CCDC18: variants seen among roughly 807,000 people sequenced by gnomAD.
The protein encoded by CCDC18 is coiled-coil domain containing 18, also known as coiled-coil domain-containing protein 18.
CCDC18 carries 157 observed loss-of-function variants against 196.0 expected under a neutral mutation model. The observed-to-expected ratio is 0.80, with a 90% CI of 0.70 to 0.91. CCDC18 has a LOEUF of 0.91. CCDC18 is among the 40% of genes least tolerant of loss of function. The pLI, the probability that CCDC18 is intolerant of heterozygous loss-of-function variation, is 0.00. For synonymous variants in CCDC18, 482 were observed against 529.2 expected (o/e 0.91, Z 1.22); for missense variants, 1,465 against 1,611.6 (o/e 0.91, Z 1.56).
rs1240184130 is a variant in CCDC18, at chr1:93,216,626, G to C, written c.1720-10G>C. 1.5e-6 allele frequency: 2 copies of C among 1,314,738 alleles called. No individual in the cohort carries two copies. The highest frequency in any genetic ancestry group is 1.5e-5 in the African/African-American group (1 of 66,158). The allele number at this position is 1,314,738 out of a possible 1,614,324, so 81.4% of individuals were successfully genotyped here. A position where few individuals can be genotyped will look rare whatever the true frequency, so the allele number is the denominator to read the frequency against. ...AAAATAATTTTACATTTATTTCAAT[G>C]TGTTTTCAGATGACAAAGAAATGTT... is the stretch of plus-strand genomic sequence containing the variant. On this transcript the variant is annotated splice_polypyrimidine_tract_variant and intron_variant, in intron 12 of 28. Transcript: ENST00000690025.
intron 14 of CCDC18, among the ~76,000 whole-genome samples, chr1:93,219,353 A>G (rs1402902464): frequency 1.3e-5 from 2 of 152,130 alleles, no homozygotes; most frequent in Non-Finnish European, 2.9e-5. Context: ...TAAGTCAAGA[A>G]CCTTCACCTT....
intron 17 of CCDC18, among the ~76,000 whole-genome samples, chr1:93,229,174 C>G (rs1364965329): frequency 6.6e-6 from 1 of 152,138 alleles, no homozygotes; most frequent in Non-Finnish European, 1.5e-5. Context: ...TATATTTGAC[C>G]AGACTAGGGA....
In CCDC18 at chr1:93,272,440, C is replaced by T. The variant is rs374562684; in HGVS notation, c.4353+1626C>T. Among the ~76,000 whole-genome samples, 41 of 152,032 alleles carry T rather than the reference C, an allele frequency of 2.7e-4. 3 individuals carry two copies. The East Asian group carries it at 3.9e-3, about 14-fold the overall frequency. On this transcript the variant is annotated intron_variant, in intron 28 of 28. Transcript: ENST00000690025. ...CACTTTTAGCATATTACTTTTAGCA[C>T]CCAAGAAGTTAAAGATTCAGTAAAG...
intron 28 of CCDC18, among the ~76,000 whole-genome samples, chr1:93,275,546 A>G (rs1057387695): frequency 6.6e-6 from 1 of 152,266 alleles, no homozygotes; most frequent in Admixed American, 6.5e-5. Context: ...ACTCTTTTAA[A>G]CCAAATAAAT....
At chr1:93,210,538 T>A (rs2101981130) in intron 9 of CCDC18, among the ~76,000 whole-genome samples, 1 of 152,316 alleles carries the variant, frequency 6.6e-6, no homozygotes, top group South Asian at 2.1e-4. Flanking sequence ...ATGAAAATAC[T>A]GTTTGCCACT....
At chr1:93,218,271 T>C (rs967728193) in intron 14 of CCDC18, among the ~76,000 whole-genome samples, 2 of 152,170 alleles carry the variant, frequency 1.3e-5, no homozygotes, top group African/African-American at 2.4e-5. Context: ...TGCTTATCCA[T>C]GGGAGAGACA....
chr1:93,181,368 C>T (rs1164494907), intron 1 of CCDC18, among the ~76,000 whole-genome samples: 1 of 152,004 alleles, frequency 6.6e-6, no homozygotes, highest in Admixed American at 6.6e-5. Flanking sequence ...ACTTGTCCTT[C>T]GTTTGATGGG....
At chr1:93,241,723 C>CAA (rs35810581) in intron 21 of CCDC18, among the ~76,000 whole-genome samples, 8,345 of 58,976 alleles carry the variant, frequency 0.14, 1,107 homozygotes, top group East Asian at 0.3. Flanking sequence ...GACTCCATCT[C>CAA]AAAAAAAAAA....
Position 93,267,526 on chromosome 1 carries a change from T to C in CCDC18, c.3885+2625T>C, listed in dbSNP as rs1664692946. Among the ~76,000 whole-genome samples, 3 of 152,212 alleles carry C rather than the reference T, an allele frequency of 2.0e-5. No individual in the cohort carries two copies. The South Asian group carries it at 6.2e-4, about 32-fold the overall frequency. ...TGTCCCTGTTTGCAGATGACATGAT[T>C]GTATATTTAGAAAACCCTATCATCT... On this transcript the variant is annotated intron_variant, in intron 27 of 28. Transcript: ENST00000690025.
chr1:93,257,224 T>C (rs1248687926), intron 25 of CCDC18, among the ~76,000 whole-genome samples: 2 of 85,310 alleles, frequency 2.3e-5, no homozygotes, highest in African/African-American at 4.8e-5. Flanking sequence ...AGAGCAAGAC[T>C]CCATCTCAAA....
intron 1 of CCDC18, 103 bp from the exon 2 acceptor site, chr1:93,183,257 T>A (rs1395706837): frequency 3.7e-6 from 3 of 811,120 alleles, no homozygotes; most frequent in Non-Finnish European, 5.5e-6. Flanking sequence ...TTCACAACAT[T>A]TAAAATAGAA....
At chr1:93,222,324 A>G (rs1657561227) in intron 16 of CCDC18, among the ~76,000 whole-genome samples, 1 of 152,124 alleles carries the variant, frequency 6.6e-6, no homozygotes, top group African/African-American at 2.4e-5. Context: ...TCTAGTTTGC[A>G]GGTTATCTAG....
intron 17 of CCDC18, among the ~76,000 whole-genome samples, chr1:93,231,766 G>GT (rs1659274799): frequency 1.3e-5 from 2 of 152,164 alleles, no homozygotes; most frequent in Non-Finnish European, 2.9e-5. Flanking sequence ...TCCTTTATGT[G>GT]TTTTTTTGTA....
intron 13 of CCDC18, among the ~76,000 whole-genome samples, chr1:93,217,262 G>A (rs1656658682): frequency 6.6e-6 from 1 of 151,594 alleles, no homozygotes. Context: ...TAATAGGATT[G>A]AAGATAATGG....
At chr1:93,275,439 G>A (rs1665570997) in intron 28 of CCDC18, among the ~76,000 whole-genome samples, 1 of 152,160 alleles carries the variant, frequency 6.6e-6, no homozygotes, top group South Asian at 2.1e-4. Flanking sequence ...GGGATGTAGA[G>A]CCATGATCTG....
chr1:93,261,620 C>G (rs1353177274), intron 26 of CCDC18, among the ~76,000 whole-genome samples: 1 of 151,982 alleles, frequency 6.6e-6, no homozygotes, highest in Non-Finnish European at 1.5e-5. Flanking sequence ...CCCCACCAAT[C>G]TAAGCAAGAC....
chr1:93,229,115 A>T (rs943474289), intron 17 of CCDC18, among the ~76,000 whole-genome samples: 4 of 152,148 alleles, frequency 2.6e-5, no homozygotes, highest in Non-Finnish European at 5.9e-5. Context: ...ACAACTGGAA[A>T]TACATACCTA....
At chr1:93,191,448 C>T (rs560242157) in intron 4 of CCDC18, among the ~76,000 whole-genome samples, 23 of 152,140 alleles carry the variant, frequency 1.5e-4, no homozygotes, top group Non-Finnish European at 2.4e-4. Context: ...TACCTTGTGC[C>T]TTCATGTTCT....
chr1:93,258,549 A>G (rs10874765), intron 25 of CCDC18, among the ~76,000 whole-genome samples, 199 bp from the exon 26 acceptor site: 26,218 of 152,094 alleles, frequency 0.17, 2,488 homozygotes, highest in African/African-American at 0.22. Context: ...GATGACAGCA[A>G]ACAATTATAT....
Sources: gnomAD v4.1 joint callset for allele counts (sites outside exome capture counted in the v4.1 genomes callset) on GRCh38, gnomAD v4.1.1 for gene constraint, MANE v1.5 for transcripts, NCBI Gene and HGNC (gene_info 2026-07-23, HGNC 2026-07-21) for gene names.